CHRNB1: variants seen among roughly 807,000 people sequenced by gnomAD.
CHRNB1 encodes the protein acetylcholine receptor subunit beta.
Under a neutral mutation model 53.8 loss-of-function variants are expected in CHRNB1, and 47 were observed. The ratio of observed to expected loss-of-function variants is 0.87; its 90% confidence interval spans 0.69 to 1.11. CHRNB1 has a LOEUF of 1.11. Among genes scored for constraint, CHRNB1 ranks in the 50% most tolerant of loss-of-function variants. The probability of loss-of-function intolerance (pLI) is 0.00; values close to 1 mark genes in which losing one functional copy is unlikely to be tolerated. For synonymous variants in CHRNB1, 259 were observed against 263.5 expected, an observed-to-expected ratio of 0.98 and a Z score of 0.16; for missense variants, 605 against 654.9, an observed-to-expected ratio of 0.92 and a Z score of 0.83.
chr17:7,456,025 T>G (rs1242569704), intron 10 of CHRNB1, 84 bp downstream of exon 10: 2 of 1,268,676 alleles, frequency 1.6e-6, no homozygotes, highest in Non-Finnish European at 2.2e-6. Flanking sequence ...TCGCTTTCGT[T>G]TTTTTTGTGT....
chr17:7,454,343 G>A lies in CHRNB1; in HGVS notation c.867G>A (p.Val289=), dbSNP rs1371639390. 1 of 1,614,202 alleles carries A rather than the reference G, an allele frequency of 6.2e-7. No homozygotes were observed. The highest frequency in any genetic ancestry group is 1.1e-5 in the South Asian group (1 of 91,086). The change falls in exon 8 of 11, where the codon GTG becomes GTA. Residue 289 remains valine, a synonymous_variant. Coordinates refer to ENST00000306071, the MANE Select transcript of CHRNB1 (RefSeq NM_000747.3). The part of the protein sequence containing the change: ...LSIFALLTLT[V]FLLLLADKVP... The stretch of plus-strand genomic sequence containing the variant: ...TCTTTGCCCTGCTGACCCTTACTGT[G>A]TTCCTGCTGCTGCTGGCTGACAAAG...
chr17:7,447,008 G>C (rs1452584758), intron 4 of CHRNB1, 35 bp from the exon 5 acceptor site: 5 of 1,610,900 alleles, frequency 3.1e-6, no homozygotes, highest in Non-Finnish European at 4.2e-6. Context: ...CTCCGGGCGC[G>C]GGGCCTGATC....
intron 3 of CHRNB1, 52 bp from the exon 4 acceptor site, chr17:7,446,781 A>G: frequency 6.9e-7 from 1 of 1,450,210 alleles, no homozygotes; most frequent in Non-Finnish European, 9.7e-7. Flanking sequence ...GGAAATCCCA[A>G]GTCCCTCCCG....
chr17:7,452,140 C>T (rs995815738), intron 7 of CHRNB1, among the ~76,000 whole-genome samples: 3 of 151,828 alleles, frequency 2.0e-5, no homozygotes, highest in Non-Finnish European at 4.4e-5. Flanking sequence ...ACTGCAACCT[C>T]CGCCTCCCGG....
At chr17:7,446,207 CTT>C in intron 3 of CHRNB1, 94 bp downstream of exon 3, 1 of 1,071,630 alleles carries the variant, frequency 9.3e-7, no homozygotes, top group Non-Finnish European at 1.4e-6. Flanking sequence ...TACATCATGA[CTT>C]TAGATAACAC....
rs754895386 is a variant in CHRNB1, at chr17:7,455,897, A to G, written c.1321A>G (p.Ser441Gly). The part of the protein sequence containing the change: ...PELREVVSSI[S>G]YIARQLQEQE... Reference sequence around the variant, plus strand: ...GCTACGGGAGGTCGTCTCCTCTATCAGCTACATCGCTCGACAGCTGCAGGA... The same window carrying G: ...GCTACGGGAGGTCGTCTCCTCTATCGGCTACATCGCTCGACAGCTGCAGGA... Residue 441 changes from serine to glycine, a missense_variant, in exon 10 of 11, where the codon AGC becomes GGC. Coordinates refer to ENST00000306071, the MANE Select transcript of CHRNB1 (RefSeq NM_000747.3). The G allele has an allele frequency of 8.6e-5, 138 of 1,613,936 alleles. No individual in the cohort carries two copies. The highest frequency in any genetic ancestry group is 2.3e-4 in the South Asian group (21 of 91,078).
At chr17:7,456,037 GT>G (rs371941700) in intron 10 of CHRNB1, 96 bp downstream of exon 10, 115 of 775,490 alleles carry the variant, frequency 1.5e-4, no homozygotes, top group East Asian at 2.4e-4. Flanking sequence ...TTTTTGTGTG[GT>G]TTTTTTTTGG....
In CHRNB1 at chr17:7,445,932, T is replaced by C; in HGVS notation, c.199-137T>C. 1.3e-6 allele frequency: 1 copy of C among 779,894 alleles called. No individual in the cohort carries two copies. The highest frequency in any genetic ancestry group is 2.5e-5 in the East Asian group (1 of 39,488). 48.3% of individuals were successfully genotyped at this position (779,894 alleles called of 1,614,324 possible). Reference sequence around the variant, plus strand: ...GCAGGTCTTAAACTAACGCCGCTTCTGGGAGGTGGACTTGGACCCGAGAGG... The same window carrying C: ...GCAGGTCTTAAACTAACGCCGCTTCCGGGAGGTGGACTTGGACCCGAGAGG... On this transcript the variant is annotated intron_variant, in intron 2 of 10. Coordinates refer to ENST00000306071, the MANE Select transcript of CHRNB1 (RefSeq NM_000747.3). The surrounding 1 kb of genome is among the most constrained non-coding windows in gnomAD (Gnocchi z 5.7).
intron 7 of CHRNB1, among the ~76,000 whole-genome samples, chr17:7,452,057 CTTTT>C (rs34297883): frequency 7.2e-6 from 1 of 138,830 alleles, no homozygotes; most frequent in Non-Finnish European, 1.6e-5. Flanking sequence ...TTTCCTTTTT[CTTTT>C]TTTTTTTTTT....
chr17:7,446,449 T>A, intron 3 of CHRNB1: 1 of 507,730 alleles, frequency 2.0e-6, no homozygotes, highest in Non-Finnish European at 3.6e-6. Context: ...GGGGGGAACC[T>A]CCACAAGTGC....
At position 7,445,528 on chromosome 17, in the gene CHRNB1, G is replaced by T. The variant is rs531280641; in HGVS notation, c.198+119G>T. 1.3e-5 allele frequency: 20 copies of T among 1,530,472 alleles called. No homozygotes were observed. The highest frequency in any genetic ancestry group is 5.9e-5 in the Admixed American group (3 of 50,596). The allele number at this position is 1,530,472 out of a possible 1,614,324, so 94.8% of individuals were successfully genotyped here. A position where few individuals can be genotyped will look rare whatever the true frequency, so the allele number is the denominator to read the frequency against. ...CCTGGGACGAGACCAGGCTGAGATG[G>T]ACCAGCCTTTGGTGAAGATTGGATC... On this transcript the variant is annotated intron_variant, in intron 2 of 10. Transcript: ENST00000306071. This position sits in a 1 kb window ranked among gnomAD's most constrained non-coding sequence, Gnocchi z 5.7.
In CHRNB1 at chr17:7,446,925, C is replaced by G. The variant is rs1908657893; in HGVS notation, c.336C>G (p.Asp112Glu). The change falls in exon 4 of 11, where the codon GAC (aspartate) becomes GAG (glutamate). Residue 112 changes from aspartate (D) to glutamate (E), a missense_variant. By Grantham distance (45) the Asp-to-Glu change is conservative. Coordinates refer to ENST00000306071, the MANE Select transcript of CHRNB1 (RefSeq NM_000747.3). ...CGGCGGAATCCGTGTGGCTCCCTGA[C>G]GTGGTGCTACTGAACAAGTAGGAGA... ...RITAESVWLPDVVLLNNNDGN... is the reference protein window; with the variant it reads ...RITAESVWLPEVVLLNNNDGN... The G allele has an allele frequency of 6.5e-7, 1 of 1,548,806 alleles. No individual in the cohort carries two copies. Among genetic ancestry groups the G allele is most frequent in the Non-Finnish European group, 8.8e-7 (1 of 1,141,720 alleles).
At position 7,445,420 on chromosome 17, in the gene CHRNB1, G is replaced by A; in HGVS notation, c.198+11G>A. 2 of 1,610,422 alleles carry A rather than the reference G, an allele frequency of 1.2e-6. No individual in the cohort carries two copies. The highest frequency in any genetic ancestry group is 1.7e-6 in the Non-Finnish European group (2 of 1,179,394). On this transcript the variant is annotated intron_variant, in intron 2 of 10. Coordinates refer to ENST00000306071, the MANE Select transcript of CHRNB1 (RefSeq NM_000747.3). This position sits in a 1 kb window ranked among gnomAD's most constrained non-coding sequence, Gnocchi z 5.7. The stretch of plus-strand genomic sequence containing the variant: ...CAACTCATCAGCCTGGTGAGGGCGC[G>A]CGGGGGGTGGAGGTCAGGCCAGCCG...
chr17:7,448,074 CAAAAAA>C (rs71157286), intron 6 of CHRNB1, among the ~76,000 whole-genome samples: 1 of 16,690 alleles, frequency 6.0e-5, no homozygotes, highest in Non-Finnish European at 1.1e-4. Context: ...AAGTTCGTCT[CAAAAAA>C]AAAAAAAAAA....
chr17:7,454,252 C>A (rs1024444772), intron 7 of CHRNB1, 45 bp from the exon 8 acceptor site: 1 of 1,499,880 alleles, frequency 6.7e-7, no homozygotes, highest in Non-Finnish European at 9.3e-7. Flanking sequence ...TAGAGCTTTC[C>A]TTCAGGCAAG....
Position 7,447,660 on chromosome 17 carries a change from C to T in CHRNB1, c.610+10C>T, listed in dbSNP as rs745587308. The stretch of plus-strand genomic sequence containing the variant: ...GAAGGGACTTTCATTGGTGAGTAGG[C>T]ATGGCTCCTACATCCATGGGCTCTA... On this transcript the variant is annotated intron_variant, in intron 6 of 10. Transcript: ENST00000306071. The T allele has an allele frequency of 6.2e-7, 1 of 1,614,136 alleles. No homozygotes were observed. The highest frequency in any genetic ancestry group is 8.5e-7 in the Non-Finnish European group (1 of 1,180,012).
At chr17:7,446,790 C>T (rs1471319775) in intron 3 of CHRNB1, 43 bp from the exon 4 acceptor site, 2 of 1,517,248 alleles carry the variant, frequency 1.3e-6, no homozygotes, top group South Asian at 1.1e-5. Context: ...AAGTCCCTCC[C>T]GGCCTCCAAC....
At chr17:7,446,726 C>A in intron 3 of CHRNB1, 107 bp from the exon 4 acceptor site, 1 of 837,892 alleles carries the variant, frequency 1.2e-6, no homozygotes, top group South Asian at 1.5e-5. Flanking sequence ...ACAGTTTATG[C>A]CTGTCCTGCT....
Position 7,446,062 on chromosome 17 carries a change from C to T in CHRNB1, c.199-7C>T, listed in dbSNP as rs766881019. ...TCACCTTTACGCCTTAAATTTTTCC[C>T]TTCTAGAACGAGAAGGATGAAGAGA... On this transcript the variant is annotated splice_polypyrimidine_tract_variant and splice_region_variant and intron_variant, in intron 2 of 10. Coordinates refer to ENST00000306071, the MANE Select transcript of CHRNB1 (RefSeq NM_000747.3). The T allele has an allele frequency of 1.9e-5, 30 of 1,613,986 alleles. No individual in the cohort carries two copies. The highest frequency in any genetic ancestry group is 2.7e-5 in the African/African-American group (2 of 74,998).
Sources: gnomAD v4.1 joint callset for allele counts (sites outside exome capture counted in the v4.1 genomes callset) on GRCh38, gnomAD v4.1.1 for gene constraint, Gnocchi (gnomAD v3.1) non-coding constraint, MANE v1.5 for transcripts, NCBI Gene and HGNC (gene_info 2026-07-23, HGNC 2026-07-21) for gene names.